Variants in FLT3 observed in about 807,000 individuals in gnomAD.
The protein encoded by FLT3 is fms related receptor tyrosine kinase 3, also known as receptor-type tyrosine-protein kinase FLT3.
FLT3 carries 46 observed loss-of-function variants against 126.6 expected under a neutral mutation model. The observed-to-expected ratio is 0.36, with a 90% confidence interval of 0.29 to 0.46. The LOEUF is 0.46. FLT3 is among the 20% of genes least tolerant of loss of function. The pLI, the probability that FLT3 is intolerant of heterozygous loss-of-function variation, is 1.00. For missense variants in FLT3, 1,069 were observed against 1,190.3 expected, an observed-to-expected ratio of 0.90 and a Z score of 1.50; for synonymous variants, 404 against 434.4, an observed-to-expected ratio of 0.93 and a Z score of 0.87.
chr13:28,091,274 T>C (rs984556362), intron 1 of FLT3, among the ~76,000 whole-genome samples: 10 of 124,394 alleles, frequency 8.0e-5, no homozygotes, highest in South Asian at 2.9e-4. Flanking sequence ...CAGGCTGGAG[T>C]GCAGTGGCGC....
chr13:28,032,761 A>G (rs568775535), intron 15 of FLT3, among the ~76,000 whole-genome samples: 18 of 152,372 alleles, frequency 1.2e-4, no homozygotes, highest in African/African-American at 4.3e-4. Flanking sequence ...AAACCAGAAT[A>G]TGGTGACACA....
intron 4 of FLT3, 109 bp downstream of exon 4, chr13:28,057,238 G>A (rs1315190845): frequency 4.4e-6 from 3 of 687,450 alleles, no homozygotes; most frequent in Non-Finnish European, 8.0e-6. Flanking sequence ...ACGTATCAAG[G>A]GAAACCTGAA....
At chr13:28,038,745 G>A (rs939939997) in intron 9 of FLT3, among the ~76,000 whole-genome samples, 26 of 152,080 alleles carry the variant, frequency 1.7e-4, no homozygotes, top group African/African-American at 6.0e-4. Flanking sequence ...GAGCCACTGC[G>A]CCCAGCCTAG....
intron 5 of FLT3, among the ~76,000 whole-genome samples, chr13:28,052,167 T>C (rs1875559758): frequency 6.6e-6 from 1 of 151,828 alleles, no homozygotes; most frequent in East Asian, 1.9e-4. Context: ...TGATCTTGGC[T>C]CACCACAACC....
intron 2 of FLT3, among the ~76,000 whole-genome samples, chr13:28,066,551 C>A (rs1424676793): frequency 6.6e-6 from 1 of 152,050 alleles, no homozygotes; most frequent in Non-Finnish European, 1.5e-5. Context: ...TGAAGTAGTT[C>A]CTAATGGCCA....
At chr13:28,031,384 T>C (rs1873329405) in intron 15 of FLT3, among the ~76,000 whole-genome samples, 2 of 151,498 alleles carry the variant, frequency 1.3e-5, no homozygotes, top group African/African-American at 2.4e-5. Flanking sequence ...TGACTCATGG[T>C]GGAAGGGGAG....
chr13:28,079,635 A>G (rs1048332176), intron 1 of FLT3, among the ~76,000 whole-genome samples: 1 of 152,178 alleles, frequency 6.6e-6, no homozygotes, highest in Admixed American at 6.6e-5. Flanking sequence ...TGGGAGGTGA[A>G]AGGCACTTCT....
chr13:28,029,037 C>T (rs545257710), intron 15 of FLT3, among the ~76,000 whole-genome samples: 47 of 152,246 alleles, frequency 3.1e-4, no homozygotes, highest in African/African-American at 1.0e-3. Flanking sequence ...CCAACTCCGC[C>T]TCCCAAAGTG....
chr13:28,013,983 G>T (rs1031461615), intron 23 of FLT3, among the ~76,000 whole-genome samples: 10 of 152,126 alleles, frequency 6.6e-5, no homozygotes, highest in African/African-American at 1.9e-4. Flanking sequence ...TTATCAATAT[G>T]TCTTAGGGCA....
chr13:28,073,967 A>G (rs563519119), intron 1 of FLT3, among the ~76,000 whole-genome samples: 1 of 152,012 alleles, frequency 6.6e-6, no homozygotes, highest in East Asian at 1.9e-4. Context: ...GAAAAGAAAA[A>G]AAAGAAAACA....
rs192361471 is a variant in FLT3, at chr13:28,041,772, G to A, written c.1206-4484C>T. Among the ~76,000 whole-genome samples, 284 of 152,206 alleles carry A rather than the reference G, an allele frequency of 1.9e-3. 4 individuals carry two copies. Among genetic ancestry groups the A allele is most frequent in the African/African-American group, 1.4e-3 (57 of 41,548 alleles). On this transcript the variant is annotated intron_variant, in intron 9 of 23. Transcript: ENST00000241453. ...AGGGGTTTTCTACAAATGGCCAGCC[G>A]GCAGGAGACGGAGGTCAGGACATTT...
intron 11 of FLT3, 33 bp from the exon 12 acceptor site, chr13:28,035,706 G>A (rs1873774306): frequency 6.3e-7 from 1 of 1,587,620 alleles, no homozygotes; most frequent in Non-Finnish European, 8.6e-7. Flanking sequence ...ATTTAGACAG[G>A]TGAGCTGTCA....
At chr13:28,070,283 C>T (rs1877386954) in intron 2 of FLT3, among the ~76,000 whole-genome samples, 1 of 152,132 alleles carries the variant, frequency 6.6e-6, no homozygotes, top group Non-Finnish European at 1.5e-5. Context: ...AGTGTCCTTC[C>T]TAAATCCTCA....
intron 23 of FLT3, among the ~76,000 whole-genome samples, chr13:28,010,323 T>C (rs1055984223): frequency 1.2e-4 from 18 of 152,178 alleles, no homozygotes; most frequent in Non-Finnish European, 2.6e-4. Context: ...TAATGAAGTC[T>C]AGTGACGACA....
At chr13:28,049,309 T>C in intron 8 of FLT3, 75 bp downstream of exon 8, 1 of 1,313,762 alleles carries the variant, frequency 7.6e-7, no homozygotes, top group African/African-American at 1.5e-5. Flanking sequence ...AATCAGAATT[T>C]GTACCACATA....
chr13:28,011,730 TTTC>T (rs912554095), intron 23 of FLT3, among the ~76,000 whole-genome samples: 11 of 135,350 alleles, frequency 8.1e-5, no homozygotes, highest in African/African-American at 2.6e-4. Context: ...TCTTTCTCTC[TTTC>T]TTCTTTCTTT....
intron 9 of FLT3, among the ~76,000 whole-genome samples, chr13:28,046,525 T>C (rs7323163): frequency 0.065 from 9,921 of 152,292 alleles, 1,035 homozygotes; most frequent in African/African-American, 0.22. Context: ...TAATAACATA[T>C]TTCGCTGAAT....
rs1267729533 is a variant in FLT3 at position 28,026,936 on chromosome 13, G to A, written c.2207+152C>T. ...ACAGGACTCGTTCCATGTCAACAGGGAAACTATAGCAAAGATTCAGGAAAT... is the reference window on the plus strand; with the variant it reads ...ACAGGACTCGTTCCATGTCAACAGGAAAACTATAGCAAAGATTCAGGAAAT... On this transcript the variant is annotated intron_variant, in intron 17 of 23. Coordinates refer to ENST00000241453, the MANE Select transcript of FLT3 (RefSeq NM_004119.3). The A allele has an allele frequency of 1.2e-5, 8 of 683,292 alleles. No individual in the cohort carries two copies. The East Asian group carries it at 1.5e-4, about 13-fold the overall frequency. The allele number at this position is 683,292 out of a possible 1,614,324, so 42.3% of individuals were successfully genotyped here. A position where few individuals can be genotyped will look rare whatever the true frequency, so the allele number is the denominator to read the frequency against.
At chr13:28,058,207 T>TAAAAAAAAAAAA (rs57780867) in intron 3 of FLT3, among the ~76,000 whole-genome samples, 4 of 127,652 alleles carry the variant, frequency 3.1e-5, no homozygotes, top group East Asian at 2.4e-4. Flanking sequence ...TTTTAAAAAT[T>TAAAAAAAAAAAA]AAAAAAAAAA....
Sources: allele counts gnomAD v4.1 joint callset (sites outside exome capture counted in the v4.1 genomes callset), GRCh38; gene constraint gnomAD v4.1.1; transcripts MANE v1.5; gene names NCBI Gene and HGNC (gene_info 2026-07-23, HGNC 2026-07-21).